Variants in DLGAP2 observed in about 807,000 individuals in gnomAD.
The protein encoded by DLGAP2 is DLG associated protein 2, also known as disks large-associated protein 2.
Under a neutral mutation model 100.3 loss-of-function variants are expected in DLGAP2, and 26 were observed. The observed-to-expected ratio is 0.26, with a 90% CI of 0.19 to 0.36. DLGAP2 has a LOEUF of 0.36. Among genes scored for constraint, DLGAP2 ranks in the 10% least tolerant of loss-of-function variants. DLGAP2 has a pLI of 1.00. For synonymous variants in DLGAP2, 886 were observed against 630.1 expected, an observed-to-expected ratio of 1.41 and a Z score of -6.08; for missense variants, 1,858 against 1,453.2, an observed-to-expected ratio of 1.28 and a Z score of -4.53.
chr8:799,586 A>T (rs1306571516), intron 1 of DLGAP2, among the ~76,000 whole-genome samples: 1 of 152,204 alleles, frequency 6.6e-6, no homozygotes, highest in Admixed American at 6.5e-5. Flanking sequence ...GATGCCTATC[A>T]AACAGCTGAT....
intron 2 of DLGAP2, among the ~76,000 whole-genome samples, chr8:910,907 A>T (rs13257920): frequency 2.0e-5 from 3 of 151,954 alleles, no homozygotes; most frequent in South Asian, 4.2e-4. Context: ...GCGCCACCAC[A>T]TTTGGGCTGA....
chr8:1,292,900 G>T (rs907056021), intron 3 of DLGAP2, among the ~76,000 whole-genome samples: 1 of 152,110 alleles, frequency 6.6e-6, no homozygotes, highest in African/African-American at 2.4e-5. Flanking sequence ...GCGTGGGTCA[G>T]GGTCCCCTCT....
intron 2 of DLGAP2, among the ~76,000 whole-genome samples, chr8:915,355 G>A (rs1798568825): frequency 6.6e-6 from 1 of 152,176 alleles, no homozygotes; most frequent in South Asian, 2.1e-4. Context: ...GGACCGTCCT[G>A]GCTAACACGG....
At chr8:1,537,989 G>C (rs1801214847) in intron 4 of DLGAP2, among the ~76,000 whole-genome samples, 1 of 152,146 alleles carries the variant, frequency 6.6e-6, no homozygotes, top group Admixed American at 6.5e-5. Context: ...ACTGCGGGGG[G>C]AACAGAGAGC....
At chr8:1,288,051 T>TG (rs1799980595) in intron 3 of DLGAP2, among the ~76,000 whole-genome samples, 1 of 88,128 alleles carries the variant, frequency 1.1e-5, no homozygotes, top group Non-Finnish European at 2.3e-5. Flanking sequence ...TGTGTGTGTG[T>TG]ATGGTTCTGT....
chr8:1,258,722 C>T (rs1181353251), intron 2 of DLGAP2, 129 bp from the exon 3 acceptor site: 1 of 720,328 alleles, frequency 1.4e-6, no homozygotes. Context: ...TGGAAGGGTC[C>T]ACTGGCTCTG....
intron 2 of DLGAP2, among the ~76,000 whole-genome samples, chr8:1,040,555 G>A (rs899862004): frequency 6.9e-6 from 1 of 144,156 alleles, no homozygotes; most frequent in East Asian, 2.0e-4. Context: ...TGGTCGGCTC[G>A]GTGCGTGTGG....
At chr8:1,591,529 C>T (rs1457080151) in intron 6 of DLGAP2, among the ~76,000 whole-genome samples, 1 of 127,280 alleles carries the variant, frequency 7.9e-6, no homozygotes, top group Non-Finnish European at 1.7e-5. Flanking sequence ...TCCTGCCTAA[C>T]CCCCTCCTCC....
chr8:1,417,714 G>C lies in DLGAP2; in HGVS notation c.107-83652G>C, dbSNP rs5024507. Reference sequence around the variant, plus strand: ...AGGGGGCCCCACTCCTGCCTCACTCGGCGAGGCTCCAGACACAGAAGCCCA... The same window carrying C: ...AGGGGGCCCCACTCCTGCCTCACTCCGCGAGGCTCCAGACACAGAAGCCCA... On this transcript the variant is annotated intron_variant, in intron 3 of 14. Transcript: ENST00000637795. Among the ~76,000 whole-genome samples the C allele has an allele frequency of 4.3e-3, 439 of 101,110 alleles. 47 individuals are homozygous for C. Among genetic ancestry groups the C allele is most frequent in the Non-Finnish European group, 6.1e-3 (295 of 48,608 alleles). The allele number at this position is 101,110 out of a possible 152,430, so 66.3% of individuals were successfully genotyped here.
At chr8:1,330,288 G>T (rs1367478982) in intron 3 of DLGAP2, among the ~76,000 whole-genome samples, 12 of 151,532 alleles carry the variant, frequency 7.9e-5, no homozygotes, top group East Asian at 2.0e-4. Flanking sequence ...ACTGAGTTCT[G>T]GGTGGGAGCA....
chr8:1,461,066 G>C (rs996229830), intron 3 of DLGAP2, among the ~76,000 whole-genome samples: 5 of 151,658 alleles, frequency 3.3e-5, no homozygotes, highest in African/African-American at 7.3e-5. Context: ...GGAGAGAGAA[G>C]GGCGGCATTT....
chr8:844,251 A>G (rs991401133), intron 1 of DLGAP2, among the ~76,000 whole-genome samples: 2 of 152,212 alleles, frequency 1.3e-5, no homozygotes, highest in Non-Finnish European at 2.9e-5. Context: ...TGGCTCATGT[A>G]TACATTGATT....
At chr8:1,698,351 G>A (rs1438627899) in intron 14 of DLGAP2, among the ~76,000 whole-genome samples, 3 of 151,792 alleles carry the variant, frequency 2.0e-5, no homozygotes, top group African/African-American at 7.2e-5. Flanking sequence ...GGACTAGGCA[G>A]GTCCACGTAA....
At chr8:1,561,396 A>G (rs1313176453) in intron 5 of DLGAP2, among the ~76,000 whole-genome samples, 4 of 152,130 alleles carry the variant, frequency 2.6e-5, no homozygotes, top group Non-Finnish European at 4.4e-5. Flanking sequence ...AAGGCTTTAG[A>G]AGAACCCGGC....
At chr8:1,208,824 A>G (rs1798047444) in intron 2 of DLGAP2, among the ~76,000 whole-genome samples, 1 of 152,060 alleles carries the variant, frequency 6.6e-6, no homozygotes, top group East Asian at 1.9e-4. Flanking sequence ...CGGAGCTGAG[A>G]ATCAGATCAA....
At chr8:1,222,409 C>T (rs1354941041) in intron 2 of DLGAP2, among the ~76,000 whole-genome samples, 2 of 152,112 alleles carry the variant, frequency 1.3e-5, no homozygotes, top group Non-Finnish European at 2.9e-5. Flanking sequence ...AGGACCAGTC[C>T]CATGGCTTTG....
intron 2 of DLGAP2, among the ~76,000 whole-genome samples, chr8:1,198,825 C>A (rs534990890): frequency 3.3e-5 from 5 of 152,354 alleles, no homozygotes; most frequent in African/African-American, 1.2e-4. Context: ...GCACCTCCCT[C>A]CTGGGCTAGG....
At chr8:1,539,224 G>T (rs182005224) in intron 4 of DLGAP2, among the ~76,000 whole-genome samples, 1 of 152,268 alleles carries the variant, frequency 6.6e-6, no homozygotes, top group Admixed American at 6.5e-5. Flanking sequence ...ATAACTAACA[G>T]CATGTCCACC....
chr8:1,444,631 A>T (rs1391713158), intron 3 of DLGAP2, among the ~76,000 whole-genome samples: 1 of 151,974 alleles, frequency 6.6e-6, no homozygotes, highest in Non-Finnish European at 1.5e-5. Flanking sequence ...TCCCTCCTTC[A>T]GGGTCTTCTT....
Sources: gnomAD v4.1 joint callset for allele counts (sites outside exome capture counted in the v4.1 genomes callset) on GRCh38, gnomAD v4.1.1 for gene constraint, MANE v1.5 for transcripts, NCBI Gene and HGNC (gene_info 2026-07-23, HGNC 2026-07-21) for gene names.